GRID2: variants seen among roughly 807,000 people sequenced by gnomAD.
The protein encoded by GRID2 is glutamate receptor ionotropic, delta-2.
Under a neutral mutation model 114.8 loss-of-function variants are expected in GRID2, and 33 were observed. The ratio of observed to expected loss-of-function variants is 0.29; its 90% confidence interval spans 0.22 to 0.38. The LOEUF (loss-of-function observed/expected upper bound fraction) is 0.38. Ranked by LOEUF, GRID2 falls within the 10% of genes least tolerant of loss-of-function variation. The pLI, the probability that GRID2 is intolerant of heterozygous loss-of-function variation, is 1.00. For synonymous variants in GRID2, 505 were observed against 449.9 expected (o/e 1.12, Z -1.55); for missense variants, 1,184 against 1,257.7 (o/e 0.94, Z 0.89).
chr4:92,413,638 C>T (rs1182313647), intron 1 of GRID2, among the ~76,000 whole-genome samples: 7 of 151,878 alleles, frequency 4.6e-5, no homozygotes. Flanking sequence ...GGAAGGATTC[C>T]AAAAGGATGG....
rs527770693 is a variant in GRID2, at chr4:92,975,156, C to CAAAAAAAAAAAAAAAAAAAAAAAAAAAAA, written c.245-109818_245-109817insAAAAAAAAAAAAAAAAAAAAAAAAAAAAA. 8.6e-5 allele frequency among the ~76,000 whole-genome samples: 4 copies of CAAAAAAAAAAAAAAAAAAAAAAAAAAAAA among 46,682 alleles called. 1 individual carries two copies. Among genetic ancestry groups the CAAAAAAAAAAAAAAAAAAAAAAAAAAAAA allele is most frequent in the Admixed American group, 7.2e-4 (2 of 2,762 alleles). The allele number at this position is 46,682 out of a possible 152,430, so 30.6% of individuals were successfully genotyped here. On this transcript the variant is annotated intron_variant, in intron 2 of 15. Coordinates refer to ENST00000282020, the MANE Select transcript of GRID2 (RefSeq NM_001510.4). ...TGGGCGACAGAGTGAGATTCCGCCT[C>CAAAAAAAAAAAAAAAAAAAAAAAAAAAAA]AAAAAAAAAAAAAAAAAAAAAGGTG...
intron 4 of GRID2, among the ~76,000 whole-genome samples, chr4:93,197,436 T>A (rs1741608268): frequency 6.6e-6 from 1 of 152,118 alleles, no homozygotes; most frequent in Non-Finnish European, 1.5e-5. Context: ...TTAAATGAGT[T>A]ATTATCTACG....
intron 1 of GRID2, among the ~76,000 whole-genome samples, chr4:92,323,738 T>C (rs1383314972): frequency 6.6e-6 from 1 of 152,064 alleles, no homozygotes; most frequent in African/African-American, 2.4e-5. Context: ...TTTGGCCTGA[T>C]CCTTAAGTCA....
chr4:92,962,464 G>T (rs937781746), intron 2 of GRID2, among the ~76,000 whole-genome samples: 4 of 151,812 alleles, frequency 2.6e-5, no homozygotes, highest in Non-Finnish European at 5.9e-5. Context: ...CTGACGTTGA[G>T]TATTTTCCTT....
chr4:93,570,744 A>G (rs920722596), intron 13 of GRID2, among the ~76,000 whole-genome samples: 8 of 152,182 alleles, frequency 5.3e-5, no homozygotes, highest in African/African-American at 1.9e-4. Flanking sequence ...AAAATTAATT[A>G]TAATACAAAG....
intron 2 of GRID2, among the ~76,000 whole-genome samples, chr4:93,006,329 T>C (rs1374457486): frequency 6.6e-6 from 1 of 152,068 alleles, no homozygotes; most frequent in Admixed American, 6.6e-5. Context: ...GGGGGAGACC[T>C]AGCAGCGGCT....
At chr4:93,577,478 T>C (rs567754249) in intron 13 of GRID2, among the ~76,000 whole-genome samples, 1 of 152,320 alleles carries the variant, frequency 6.6e-6, no homozygotes, top group East Asian at 1.9e-4. Context: ...ATTTAGGATA[T>C]GAAGAAAGAG....
At chr4:93,469,597 G>A (rs1303746997) in intron 11 of GRID2, among the ~76,000 whole-genome samples, 1 of 151,824 alleles carries the variant, frequency 6.6e-6, no homozygotes, top group Non-Finnish European at 1.5e-5. Flanking sequence ...TCCTTACCAA[G>A]GCCAACTCTT....
chr4:93,386,227 C>G (rs1305114955), intron 8 of GRID2, among the ~76,000 whole-genome samples: 1 of 152,110 alleles, frequency 6.6e-6, no homozygotes, highest in African/African-American at 2.4e-5. Context: ...GTGTTCAAAT[C>G]CTAGCTATGT....
intron 1 of GRID2, among the ~76,000 whole-genome samples, chr4:92,536,337 T>G (rs1278827577): frequency 6.6e-6 from 1 of 152,168 alleles, no homozygotes; most frequent in Non-Finnish European, 1.5e-5. Flanking sequence ...CACAGAGTGC[T>G]GATTGGTGCA....
chr4:93,099,023 G>GTGTA (rs1478822951), intron 3 of GRID2, among the ~76,000 whole-genome samples: 1 of 150,686 alleles, frequency 6.6e-6, no homozygotes, highest in Admixed American at 6.7e-5. Flanking sequence ...GTGTGTGTGT[G>GTGTA]TGTGTATGAT....
chr4:93,483,087 C>T (rs1028806801), intron 11 of GRID2, among the ~76,000 whole-genome samples: 1 of 152,010 alleles, frequency 6.6e-6, no homozygotes, highest in African/African-American at 2.4e-5. Context: ...TACATTATCT[C>T]CTCCTATCTT....
intron 1 of GRID2, among the ~76,000 whole-genome samples, chr4:92,582,243 A>G (rs982037890): frequency 1.7e-4 from 26 of 151,890 alleles, no homozygotes; most frequent in Non-Finnish European, 2.8e-4. Flanking sequence ...TCTTAGGATT[A>G]TTCGTCACTA....
At chr4:92,536,352 C>T (rs548436353) in intron 1 of GRID2, among the ~76,000 whole-genome samples, 59 of 152,114 alleles carry the variant, frequency 3.9e-4, no homozygotes, top group Non-Finnish European at 6.8e-4. Flanking sequence ...GGTGCATTTA[C>T]AGTCCTTTAG....
chr4:93,006,553 G>GA (rs1198674400), intron 2 of GRID2, among the ~76,000 whole-genome samples: 1 of 147,436 alleles, frequency 6.8e-6, no homozygotes, highest in Admixed American at 6.8e-5. Context: ...GTGGCTAAAG[G>GA]AAAAATAAAA....
intron 14 of GRID2, among the ~76,000 whole-genome samples, chr4:93,712,624 T>C (rs923607231): frequency 2.1e-4 from 32 of 152,312 alleles, no homozygotes; most frequent in Middle Eastern, 3.4e-3. Context: ...CACTTAAATC[T>C]ATAACCTTGG....
chr4:92,478,289 G>A (rs1722412703), intron 1 of GRID2, among the ~76,000 whole-genome samples: 1 of 152,062 alleles, frequency 6.6e-6, no homozygotes, highest in Non-Finnish European at 1.5e-5. Context: ...TAGTCTGATT[G>A]TTTGGAAGTA....
chr4:93,419,074 C>CTTTTTTTTTTTTTTTTTTTTTTTTCTT, intron 9 of GRID2, among the ~76,000 whole-genome samples: 1 of 109,528 alleles, frequency 9.1e-6, no homozygotes, highest in Non-Finnish European at 1.8e-5. Flanking sequence ...CATGATTTTC[C>CTTTTTTTTTTTTTTTTTTTTTTTTCTT]TTTTTTTTTT....
chr4:92,884,274 TG>T (rs1462353438), intron 2 of GRID2, among the ~76,000 whole-genome samples: 1 of 152,206 alleles, frequency 6.6e-6, no homozygotes, highest in Non-Finnish European at 1.5e-5. Flanking sequence ...TGAAGAGAGT[TG>T]GGGTCTTGCT....
Sources: gnomAD v4.1 joint callset for allele counts (sites outside exome capture counted in the v4.1 genomes callset) on GRCh38, gnomAD v4.1.1 for gene constraint, MANE v1.5 for transcripts, NCBI Gene and HGNC (gene_info 2026-07-23, HGNC 2026-07-21) for gene names.